The following FGF13 variants were observed in gnomAD, a reference collection of about 807,000 sequenced individuals.
The protein encoded by FGF13 is fibroblast growth factor 13.
A neutral mutation model predicts 19.5 loss-of-function variants in FGF13; 2 were observed. The ratio of observed to expected loss-of-function variants is 0.10; its 90% CI spans 0.04 to 0.32. FGF13 has a LOEUF of 0.32. Ranked by LOEUF, FGF13 falls within the 10% of genes least tolerant of loss-of-function variation. The pLI is 1.00. For synonymous variants in FGF13, 72 were observed against 76.9 expected, an observed-to-expected ratio of 0.94 and a Z score of 0.33; for missense variants, 113 against 192.7, an observed-to-expected ratio of 0.59 and a Z score of 2.45.
chrX:138,812,051 C>T (rs2090929960), intron 3 of FGF13, among the ~76,000 whole-genome samples: 2 of 110,219 alleles, frequency 1.8e-5, no homozygotes, highest in South Asian at 3.9e-4. Context: ...AAACCCCATA[C>T]CCATTAGCAA....
intron 1 of FGF13, among the ~76,000 whole-genome samples, chrX:139,056,274 G>T (rs1286211167): frequency 1.8e-5 from 2 of 112,375 alleles, no homozygotes; most frequent in Non-Finnish European, 3.8e-5. Context: ...AATTACTGAA[G>T]AACTAAGGTT....
chrX:138,995,177 T>C (rs2092036307), intron 1 of FGF13, among the ~76,000 whole-genome samples: 1 of 110,838 alleles, frequency 9.0e-6, no homozygotes, highest in Non-Finnish European at 1.9e-5. Flanking sequence ...AGAGGAAGAG[T>C]ACAGCAATTG....
intron 3 of FGF13, among the ~76,000 whole-genome samples, chrX:138,778,495 C>T (rs1254925870): frequency 8.9e-6 from 1 of 112,327 alleles, no homozygotes; most frequent in Non-Finnish European, 1.9e-5. Flanking sequence ...GAGGTATTGC[C>T]TCCCTCAGGA....
chrX:138,915,269 T>A (rs2091612285), intron 1 of FGF13, among the ~76,000 whole-genome samples: 1 of 111,927 alleles, frequency 8.9e-6, no homozygotes, highest in Admixed American at 9.5e-5. Context: ...AAGAAACCAC[T>A]GGAACTCAGA....
chrX:138,845,062 GAGCCC>G (rs1457811220), intron 3 of FGF13, among the ~76,000 whole-genome samples: 2 of 111,555 alleles, frequency 1.8e-5, no homozygotes, highest in Admixed American at 9.6e-5. Context: ...ATATATTGTT[GAGCCC>G]AGGAAGGATA....
At chrX:139,055,429 T>C (rs1888762120) in intron 1 of FGF13, among the ~76,000 whole-genome samples, 1 of 112,549 alleles carries the variant, frequency 8.9e-6, no homozygotes, top group African/African-American at 3.2e-5. Context: ...AAAATTTCCA[T>C]TGAAAGCTCT....
intron 1 of FGF13, among the ~76,000 whole-genome samples, chrX:139,027,597 A>G (rs2092205513): frequency 1.8e-5 from 2 of 112,269 alleles, no homozygotes; most frequent in African/African-American, 6.5e-5. Context: ...TGACATTTAA[A>G]ACATGTAACA....
upstream of FGF13, chrX:138,716,324 A>G (rs1304541632): frequency 8.9e-6 from 1 of 112,344 alleles, no homozygotes; most frequent in East Asian, 2.8e-4. Flanking sequence ...TGAGGTAGCC[A>G]AGTACCACCT....
chrX:139,129,785 C>CA (rs1279231598), intron 1 of FGF13, among the ~76,000 whole-genome samples: 4 of 111,395 alleles, frequency 3.6e-5, no homozygotes, highest in Non-Finnish European at 7.5e-5. Flanking sequence ...TGTCAGCAGA[C>CA]ACACTACTAG....
At chrX:138,770,407 G>A (rs1167293181) in intron 3 of FGF13, among the ~76,000 whole-genome samples, 3 of 110,427 alleles carry the variant, frequency 2.7e-5, no homozygotes, top group Non-Finnish European at 5.7e-5. Context: ...GAATTTGCTG[G>A]TGCTGCGTCA....
At chrX:138,807,511 G>A (rs896270554) in intron 3 of FGF13, among the ~76,000 whole-genome samples, 13 of 111,975 alleles carry the variant, frequency 1.2e-4, no homozygotes, top group East Asian at 5.6e-4. Context: ...AAAGACTATC[G>A]ATGCTAGGAA....
chrX:138,951,280 G>T (rs2091809884), intron 1 of FGF13, among the ~76,000 whole-genome samples: 1 of 111,788 alleles, frequency 8.9e-6, no homozygotes. Flanking sequence ...GTAAGGCAAA[G>T]CCAGATGCAT....
chrX:138,994,254 C>G (rs1270183009), intron 1 of FGF13, among the ~76,000 whole-genome samples: 2 of 111,385 alleles, frequency 1.8e-5, no homozygotes, highest in African/African-American at 3.3e-5. Flanking sequence ...GCTGTATCCT[C>G]TGACAACAGA....
chrX:138,681,982 A>T (rs2089733682), intron 3 of FGF13, among the ~76,000 whole-genome samples: 1 of 112,495 alleles, frequency 8.9e-6, no homozygotes, highest in Admixed American at 9.4e-5. Flanking sequence ...ATAATGAAAA[A>T]ATGTGAAATA....
Position 138,896,118 on chromosome X carries a change from T to A in FGF13, c.-112-31468A>T, listed in dbSNP as rs766455365. The stretch of plus-strand genomic sequence containing the variant: ...CATGCTGACTATAATAATAATGTAG[T>A]GTACTTTTCACAATTGCTAATAGTA... On this transcript the variant is annotated intron_variant, in intron 1 of 2. Coordinates refer to the FGF13 transcript ENST00000421460. Among the ~76,000 whole-genome samples, 6 of 111,991 alleles carry A rather than the reference T, an allele frequency of 5.4e-5. No homozygotes were observed. The South Asian group carries it at 2.2e-3, about 42-fold the overall frequency.
At chrX:139,036,260 A>C (rs1455052579) in intron 1 of FGF13, among the ~76,000 whole-genome samples, 2 of 111,281 alleles carry the variant, frequency 1.8e-5, no homozygotes, top group Admixed American at 9.6e-5. Context: ...CATATATATG[A>C]TATTCTGCTG....
At chrX:138,806,165 T>C (rs186787537) in intron 3 of FGF13, among the ~76,000 whole-genome samples, 2 of 112,477 alleles carry the variant, frequency 1.8e-5, no homozygotes, top group East Asian at 5.6e-4. Flanking sequence ...ATTCTCCTTT[T>C]AAAATTCATA....
chrX:138,867,005 C>T (rs2091328201), intron 1 of FGF13, among the ~76,000 whole-genome samples: 1 of 111,746 alleles, frequency 8.9e-6, no homozygotes, highest in South Asian at 3.8e-4. Flanking sequence ...AATTTCCTAT[C>T]TCTTACAGAT....
rs2083625474 is a variant in FGF13 at position 139,114,485 on chromosome X, C to T, written c.-113+88931G>A. 2.7e-5 allele frequency among the ~76,000 whole-genome samples: 3 copies of T among 111,753 alleles called. No homozygotes were observed. The Admixed American group carries it at 2.9e-4, about 11-fold the overall frequency. ...AATCAGTAGCTGCCCATGAAGATCT[C>T]ACTGGCTTGTGAGTGGAAGAAACAC... On this transcript the variant is annotated intron_variant, in intron 1 of 2. Transcript: ENST00000421460.
Sources: allele counts gnomAD v4.1 joint callset (sites outside exome capture counted in the v4.1 genomes callset), GRCh38; gene constraint gnomAD v4.1.1; transcripts MANE v1.5; gene names NCBI Gene and HGNC (gene_info 2026-07-23, HGNC 2026-07-21).